The following EML6 variants were observed in gnomAD, a reference collection of about 807,000 sequenced individuals.
EML6 encodes the protein EMAP like 6.
EML6 carries 154 observed loss-of-function variants against 240.1 expected under a neutral mutation model. The ratio of observed to expected loss-of-function variants is 0.64; its 90% CI spans 0.56 to 0.73. EML6 has a LOEUF of 0.73. EML6 is among the 30% of genes least tolerant of loss of function. EML6 has a pLI of 0.00. For missense variants in EML6, 2,964 were observed against 2,474.6 expected (o/e 1.20, Z -4.20); for synonymous variants, 1,148 against 899.0 (o/e 1.28, Z -4.95).
intron 5 of EML6, among the ~76,000 whole-genome samples, chr2:54,825,986 T>C (rs1473577287): frequency 6.6e-6 from 1 of 152,230 alleles, no homozygotes; most frequent in Non-Finnish European, 1.5e-5. Flanking sequence ...CCTACTCTTG[T>C]TCATTCTGTT....
chr2:54,879,663 CG>C (rs1558642936), intron 17 of EML6, 23 bp downstream of exon 17: 35 of 1,380,668 alleles, frequency 2.5e-5, no homozygotes, highest in Admixed American at 4.0e-5. Context: ...CGGGATCTTA[CG>C]GTATCCTGCT....
chr2:54,798,399 T>C lies in EML6; in HGVS notation c.198-14833T>C, dbSNP rs146667477. On this transcript the variant is annotated intron_variant, in intron 2 of 41. Coordinates refer to ENST00000356458, the MANE Select transcript of EML6 (RefSeq NM_001039753.4). Reference sequence around the variant, plus strand: ...CATGTTTGCCAGGCTGGTCTGGAACTCCTGACCTTGTGATCTGCCGGCCTC... The same window carrying C: ...CATGTTTGCCAGGCTGGTCTGGAACCCCTGACCTTGTGATCTGCCGGCCTC... Among the ~76,000 whole-genome samples, 545 of 152,250 alleles carry C rather than the reference T, an allele frequency of 3.6e-3. 7 individuals are homozygous for C. Among genetic ancestry groups the C allele is most frequent in the African/African-American group, 0.01 (436 of 41,542 alleles).
intron 2 of EML6, among the ~76,000 whole-genome samples, chr2:54,767,563 G>T (rs1384633663): frequency 5.3e-5 from 8 of 151,404 alleles, no homozygotes; most frequent in Non-Finnish European, 1.0e-4. Flanking sequence ...TGAGTAGCCT[G>T]CCTGGACCTA....
Position 54,964,824 on chromosome 2 carries a change from A to G in EML6, c.5493+91A>G, listed in dbSNP as rs190427050. ...ATTAATCGAGTCCTTACTGTGTACC[A>G]GGCAATGTGCTAACTCACTCTTCAC... is the stretch of plus-strand genomic sequence containing the variant. On this transcript the variant is annotated intron_variant, in intron 38 of 41. Transcript: ENST00000356458. 4.9e-6 allele frequency: 6 copies of G among 1,228,070 alleles called. No individual in the cohort carries two copies. In the Admixed American group the frequency reaches 1.1e-4, roughly 24 times the overall value. The allele number at this position is 1,228,070 out of a possible 1,614,324, so 76.1% of individuals were successfully genotyped here.
chr2:54,907,900 T>TTAGA lies in EML6; in HGVS notation c.3410-3011_3410-3008dup, dbSNP rs200763117. ...AGATAGATTAGATAGATTAGATAGATTAGATAGATAGATAGATAGATAGAT... is the reference window on the plus strand; with the variant it reads ...AGATAGATTAGATAGATTAGATAGATTAGATAGATAGATAGATAGATAGATAGAT... On this transcript the variant is annotated intron_variant, in intron 24 of 41. Transcript: ENST00000356458. 2.3e-3 allele frequency among the ~76,000 whole-genome samples: 311 copies of TTAGA among 136,312 alleles called. 22 individuals carry two copies. The highest frequency in any genetic ancestry group is 3.0e-3 in the African/African-American group (108 of 36,022). The allele number at this position is 136,312 out of a possible 152,430, so 89.4% of individuals were successfully genotyped here.
At chr2:54,817,666 C>G (rs575043322) in intron 4 of EML6, among the ~76,000 whole-genome samples, 1 of 152,118 alleles carries the variant, frequency 6.6e-6, no homozygotes, top group African/African-American at 2.4e-5. Context: ...AAAATAATCT[C>G]ATAATATCTT....
chr2:54,926,041 C>A (rs369564830), intron 26 of EML6, among the ~76,000 whole-genome samples: 1 of 152,178 alleles, frequency 6.6e-6, no homozygotes, highest in Non-Finnish European at 1.5e-5. Flanking sequence ...GCACAGCTTT[C>A]ACGAGATTCT....
chr2:54,832,747 C>G (rs72808621), intron 7 of EML6, among the ~76,000 whole-genome samples: 2 of 152,078 alleles, frequency 1.3e-5, no homozygotes, highest in East Asian at 3.9e-4. Flanking sequence ...TCCCCACCCC[C>G]CCGCCAACCC....
intron 34 of EML6, 80 bp downstream of exon 34, chr2:54,959,341 AG>A: frequency 7.5e-7 from 1 of 1,326,944 alleles, no homozygotes; most frequent in Non-Finnish European, 1.0e-6. Context: ...CCCAACTTGG[AG>A]AAAATGCAGA....
At chr2:54,840,327 C>G (rs1361017826) in intron 7 of EML6, among the ~76,000 whole-genome samples, 1 of 152,194 alleles carries the variant, frequency 6.6e-6, no homozygotes, top group Non-Finnish European at 1.5e-5. Flanking sequence ...GGACTATGAT[C>G]TGAATATTCA....
chr2:54,933,850 A>G (rs1674990639), intron 28 of EML6, among the ~76,000 whole-genome samples: 2 of 152,206 alleles, frequency 1.3e-5, no homozygotes, highest in Non-Finnish European at 2.9e-5. Flanking sequence ...TGCCACATCC[A>G]GGATCTGAGA....
chr2:54,845,724 T>G (rs2103697810), intron 8 of EML6, among the ~76,000 whole-genome samples: 1 of 152,296 alleles, frequency 6.6e-6, no homozygotes, highest in Admixed American at 6.5e-5. Flanking sequence ...ATACTCAGCT[T>G]GAGGCTGCAC....
Position 54,860,437 on chromosome 2 carries a change from C to T in EML6, c.1825+736C>T, listed in dbSNP as rs543209752. On this transcript the variant is annotated intron_variant, in intron 12 of 41. Transcript: ENST00000356458. ...CTAGAAGGGGTTTATGACACATTTCCGGAGGCTACTTGGCGGCCTGGCTTC... is the reference window on the plus strand; with the variant it reads ...CTAGAAGGGGTTTATGACACATTTCTGGAGGCTACTTGGCGGCCTGGCTTC... Among the ~76,000 whole-genome samples, 17 of 152,240 alleles carry T rather than the reference C, an allele frequency of 1.1e-4. No homozygotes were observed. In the East Asian group the frequency reaches 1.4e-3, roughly 12 times the overall value.
intron 17 of EML6, among the ~76,000 whole-genome samples, chr2:54,884,151 C>G (rs1036958437): frequency 1.3e-5 from 2 of 152,210 alleles, no homozygotes; most frequent in African/African-American, 4.8e-5. Context: ...CCGTTCCCCT[C>G]ATCCCACCTT....
chr2:54,777,103 G>T (rs1668636686), intron 2 of EML6, among the ~76,000 whole-genome samples: 1 of 152,198 alleles, frequency 6.6e-6, no homozygotes, highest in Admixed American at 6.5e-5. Flanking sequence ...ACATCGCCCT[G>T]TGAGGCCTGG....
intron 2 of EML6, among the ~76,000 whole-genome samples, chr2:54,759,042 C>T (rs75221180): frequency 0.048 from 7,228 of 151,832 alleles, 543 homozygotes; most frequent in African/African-American, 0.16. Flanking sequence ...ACTCAGCACA[C>T]GACCCAGTAT....
intron 7 of EML6, among the ~76,000 whole-genome samples, chr2:54,832,721 G>C (rs959237041): frequency 6.3e-5 from 9 of 142,644 alleles, no homozygotes; most frequent in Non-Finnish European, 1.3e-4. Flanking sequence ...ACAGAAGATG[G>C]TCAGGTGTCC....
chr2:54,959,374 T>C, intron 34 of EML6, 113 bp downstream of exon 34: 3 of 1,066,866 alleles, frequency 2.8e-6, no homozygotes, highest in Non-Finnish European at 3.9e-6. Context: ...CTATCTTTTT[T>C]GCATTAGGAA....
chr2:54,931,821 T>A (rs1674880063), intron 28 of EML6, among the ~76,000 whole-genome samples: 1 of 152,174 alleles, frequency 6.6e-6, no homozygotes. Flanking sequence ...CAGCTCTACC[T>A]CTGGTAAATC....
Sources: gnomAD v4.1 joint callset for allele counts (sites outside exome capture counted in the v4.1 genomes callset) on GRCh38, gnomAD v4.1.1 for gene constraint, MANE v1.5 for transcripts, NCBI Gene and HGNC (gene_info 2026-07-23, HGNC 2026-07-21) for gene names.